The following PDZD2 variants were observed in gnomAD, a reference collection of about 807,000 sequenced individuals.
PDZD2 encodes PDZ domain containing 2.
Under a neutral mutation model 220.7 loss-of-function variants are expected in PDZD2, and 90 were observed. The ratio of observed to expected loss-of-function variants is 0.41; its 90% confidence interval spans 0.34 to 0.49. The LOEUF is 0.49. PDZD2 is among the 20% of genes least tolerant of loss of function. The pLI is 0.28. For missense variants in PDZD2, 3,174 were observed against 3,608.5 expected (o/e 0.88, Z 3.08); for synonymous variants, 1,375 against 1,450.5 (o/e 0.95, Z 1.18).
intron 6 of PDZD2, among the ~76,000 whole-genome samples, chr5:32,015,563 A>G (rs1753725201): frequency 6.6e-6 from 1 of 152,198 alleles, no homozygotes; most frequent in Non-Finnish European, 1.5e-5. Context: ...TGCAGTGACA[A>G]TATTTTAAAT....
chr5:31,660,138 A>G (rs144205709), intron 1 of PDZD2, among the ~76,000 whole-genome samples: 6 of 152,326 alleles, frequency 3.9e-5, no homozygotes, highest in South Asian at 2.1e-4. Context: ...TTTCAATTCA[A>G]TAGATTGGAA....
intron 1 of PDZD2, among the ~76,000 whole-genome samples, chr5:31,654,560 C>T (rs571723627): frequency 6.6e-6 from 1 of 152,284 alleles, no homozygotes; most frequent in South Asian, 2.1e-4. Flanking sequence ...CTACTTGACC[C>T]TCCTGCTGAA....
At chr5:31,939,473 G>A (rs776599972) in intron 2 of PDZD2, among the ~76,000 whole-genome samples, 26 of 152,166 alleles carry the variant, frequency 1.7e-4, no homozygotes, top group Admixed American at 1.5e-3. Flanking sequence ...GCAGTGAGGC[G>A]GGCTGTGGGG....
At chr5:32,011,734 G>T (rs1753337680) in intron 6 of PDZD2, among the ~76,000 whole-genome samples, 1 of 152,100 alleles carries the variant, frequency 6.6e-6, no homozygotes, top group Non-Finnish European at 1.5e-5. Context: ...GGCCTTAGAA[G>T]ATGAAAGATG....
chr5:31,800,044 G>A (rs757791777), intron 2 of PDZD2, among the ~76,000 whole-genome samples: 3 of 151,910 alleles, frequency 2.0e-5, no homozygotes, highest in African/African-American at 7.3e-5. Flanking sequence ...GAATACTCTC[G>A]AGCATATTTC....
chr5:31,794,562 G>A (rs962167000), intron 1 of PDZD2, among the ~76,000 whole-genome samples: 1 of 151,354 alleles, frequency 6.6e-6, no homozygotes, highest in Non-Finnish European at 1.5e-5. Context: ...CACCACTCCC[G>A]GCTAATTTTT....
chr5:31,750,551 A>G (rs1373987793), intron 1 of PDZD2, among the ~76,000 whole-genome samples: 1 of 152,284 alleles, frequency 6.6e-6, no homozygotes, highest in African/African-American at 2.4e-5. Context: ...TCCGCCAAGG[A>G]TGGGTGCCGC....
chr5:31,850,164 G>GTGTATATATGTGTATATATA (rs1757942650), intron 2 of PDZD2, among the ~76,000 whole-genome samples: 1 of 118,974 alleles, frequency 8.4e-6, no homozygotes, highest in East Asian at 2.1e-4. Context: ...GTGTATATAT[G>GTGTATATATGTGTATATATA]TATATATAAG....
At chr5:31,819,752 G>T (rs1755714059) in intron 2 of PDZD2, among the ~76,000 whole-genome samples, 1 of 151,968 alleles carries the variant, frequency 6.6e-6, no homozygotes, top group African/African-American at 2.4e-5. Context: ...GTAGAAGTGG[G>T]ATCCTCAAAT....
At chr5:31,818,334 CAAGTAGA>C (rs1366587929) in intron 2 of PDZD2, among the ~76,000 whole-genome samples, 3 of 152,136 alleles carry the variant, frequency 2.0e-5, no homozygotes, top group African/African-American at 7.2e-5. Context: ...AGTCATCTCA[CAAGTAGA>C]GAGTTTAGCC....
intron 1 of PDZD2, among the ~76,000 whole-genome samples, chr5:31,681,128 G>A (rs890732016): frequency 4.6e-5 from 7 of 152,098 alleles, no homozygotes; most frequent in African/African-American, 1.7e-4. Context: ...AAATGCTTCT[G>A]AATATGGGGC....
chr5:31,764,302 T>A (rs1219637861), intron 1 of PDZD2, among the ~76,000 whole-genome samples: 1 of 152,210 alleles, frequency 6.6e-6, no homozygotes, highest in Non-Finnish European at 1.5e-5. Flanking sequence ...TTCAGAGTGC[T>A]AATTTCCTGT....
intron 1 of PDZD2, among the ~76,000 whole-genome samples, chr5:31,709,506 T>C (rs1170046285): frequency 2.9e-5 from 1 of 34,770 alleles, no homozygotes; most frequent in Non-Finnish European, 5.9e-5. Flanking sequence ...AAATAAAAGG[T>C]GAGAGAAAAG....
intron 2 of PDZD2, chr5:31,823,140 C>T (rs920711076): frequency 7.1e-5 from 19 of 269,390 alleles, no homozygotes; most frequent in Middle Eastern, 1.5e-3. Flanking sequence ...TCTTCATTCT[C>T]GCAGTAGACG....
At chr5:32,004,649 A>G (rs190334036) in intron 5 of PDZD2, among the ~76,000 whole-genome samples, 2 of 152,344 alleles carry the variant, frequency 1.3e-5, no homozygotes, top group Admixed American at 1.3e-4. Flanking sequence ...GTCACACAGC[A>G]GTAGAAACCA....
At chr5:31,982,768 A>G (rs892652659) in intron 2 of PDZD2, among the ~76,000 whole-genome samples, 1 of 152,216 alleles carries the variant, frequency 6.6e-6, no homozygotes, top group Non-Finnish European at 1.5e-5. Flanking sequence ...GTTTTATTCC[A>G]TTGGAACTAT....
intron 2 of PDZD2, among the ~76,000 whole-genome samples, chr5:31,919,709 A>AG (rs1744030140): frequency 2.0e-5 from 1 of 50,072 alleles, no homozygotes; most frequent in African/African-American, 1.3e-4. Context: ...TTGATAAAGA[A>AG]AAAAAAAAGG....
chr5:31,908,876 C>A (rs1742929497), intron 2 of PDZD2: 1 of 433,532 alleles, frequency 2.3e-6, no homozygotes, highest in Non-Finnish European at 4.3e-6. Context: ...GAGACCCTGT[C>A]CCTACCAAAA....
chr5:31,997,560 A>C (rs768191342), intron 4 of PDZD2, among the ~76,000 whole-genome samples: 1 of 152,210 alleles, frequency 6.6e-6, no homozygotes, highest in Non-Finnish European at 1.5e-5. Flanking sequence ...TCAGATAGAC[A>C]GTTTCCCATT....
Sources: gnomAD v4.1 joint callset for allele counts (sites outside exome capture counted in the v4.1 genomes callset) on GRCh38, gnomAD v4.1.1 for gene constraint, MANE v1.5 for transcripts, NCBI Gene and HGNC (gene_info 2026-07-23, HGNC 2026-07-21) for gene names.